OSBPL3: variants seen among roughly 807,000 people sequenced by gnomAD.
OSBPL3 encodes the protein oxysterol-binding protein-related protein 3.
In OSBPL3, 65 loss-of-function variants were observed where a neutral mutation model predicts 120.1. That is an observed-to-expected ratio of 0.54 (90% CI 0.44 to 0.67). The LOEUF is 0.67. Among genes scored for constraint, OSBPL3 ranks in the 30% least tolerant of loss-of-function variants. The probability of loss-of-function intolerance (pLI) is 0.00; values close to 1 mark genes in which losing one functional copy is unlikely to be tolerated. For missense variants in OSBPL3, 1,004 were observed against 1,082.1 expected (o/e 0.93, Z 1.01); for synonymous variants, 416 against 402.6 (o/e 1.03, Z -0.40).
At chr7:24,909,775 T>TTCTTTC (rs1554402699) in intron 1 of OSBPL3, among the ~76,000 whole-genome samples, 7 of 136,182 alleles carry the variant, frequency 5.1e-5, no homozygotes, top group Non-Finnish European at 1.1e-4. Flanking sequence ...ACTGTTTTTT[T>TTCTTTC]TTTCTTTCTT....
intron 2 of OSBPL3, among the ~76,000 whole-genome samples, chr7:24,876,982 C>T (rs1173351305): frequency 6.6e-6 from 1 of 152,142 alleles, no homozygotes; most frequent in Non-Finnish European, 1.5e-5. Flanking sequence ...AATTCCTGCA[C>T]AACCTTTGAG....
rs1802038238 is a variant in OSBPL3 at position 24,871,054 on chromosome 7, A to C, written c.268-209T>G. Among the ~76,000 whole-genome samples the C allele has an allele frequency of 6.6e-6, 1 of 152,214 alleles. No homozygotes were observed. The highest frequency in any genetic ancestry group is 6.5e-5 in the Admixed American group (1 of 15,284). ...AGGAAGTACTCTCCCCATTTTACAG[A>C]TGAAGAAACTGGAGTACAAAGGGGT... On this transcript the variant is annotated intron_variant, in intron 4 of 22. Coordinates refer to ENST00000313367, the MANE Select transcript of OSBPL3 (RefSeq NM_015550.4). This position sits in a 1 kb window ranked among gnomAD's most constrained non-coding sequence, Gnocchi z 4.8.
chr7:24,847,324 C>T (rs1262271922), intron 12 of OSBPL3, among the ~76,000 whole-genome samples: 1 of 152,072 alleles, frequency 6.6e-6, no homozygotes, highest in Non-Finnish European at 1.5e-5. Flanking sequence ...GCCTGAGTCA[C>T]TCCATGATAA....
chr7:24,870,373 T>G (rs1204448478), intron 5 of OSBPL3, among the ~76,000 whole-genome samples: 2 of 152,168 alleles, frequency 1.3e-5, no homozygotes, highest in Admixed American at 1.3e-4. Context: ...GCCTAAATGT[T>G]ACATATATAT....
rs2128491838 is a variant in OSBPL3, at chr7:24,947,232, A to G, written c.-150+32654T>C. Among the ~76,000 whole-genome samples, 1 of 152,340 alleles carries G rather than the reference A, an allele frequency of 6.6e-6. No homozygotes were observed. Among genetic ancestry groups the G allele is most frequent in the Non-Finnish European group, 1.5e-5 (1 of 68,018 alleles). On this transcript the variant is annotated intron_variant, in intron 1 of 22. Coordinates refer to ENST00000313367, the MANE Select transcript of OSBPL3 (RefSeq NM_015550.4). The surrounding 1 kb of genome is among the most constrained non-coding windows in gnomAD (Gnocchi z 4.4). ...ATAATTCCATAACAAAGGATTTAGA[A>G]AATAAAAGCAAAACTGAGTTCCTAT... is the stretch of plus-strand genomic sequence containing the variant.
Position 24,862,603 on chromosome 7 carries a change from G to A in OSBPL3, c.870+597C>T, listed in dbSNP as rs929534007. On this transcript the variant is annotated intron_variant, in intron 9 of 22. Transcript: ENST00000313367. The surrounding 1 kb of genome is among the most constrained non-coding windows in gnomAD (Gnocchi z 4.4). ...ACCTAACCAAAAGCTTGAGATTTAT[G>A]TTGATTCTAAAACTGTTGCAATTAA... Among the ~76,000 whole-genome samples the A allele has an allele frequency of 1.3e-5, 2 of 152,184 alleles. No individual in the cohort carries two copies. Among genetic ancestry groups the A allele is most frequent in the Non-Finnish European group, 2.9e-5 (2 of 68,030 alleles).
In OSBPL3 at chr7:24,872,160, A is replaced by C. The variant is rs1008638237; in HGVS notation, c.97-91T>G. On this transcript the variant is annotated intron_variant, in intron 2 of 22. Coordinates refer to ENST00000313367, the MANE Select transcript of OSBPL3 (RefSeq NM_015550.4). This position sits in a 1 kb window ranked among gnomAD's most constrained non-coding sequence, Gnocchi z 4.1. Reference sequence around the variant, plus strand: ...CTGCATCCTGTCAGTAAATTTATTCAAGATGGGGAGGCTGGCTGGGTTTGT... The same window carrying C: ...CTGCATCCTGTCAGTAAATTTATTCCAGATGGGGAGGCTGGCTGGGTTTGT... 2.2e-6 allele frequency: 2 copies of C among 920,178 alleles called. No homozygotes were observed. Among genetic ancestry groups the C allele is most frequent in the African/African-American group, 3.3e-5 (2 of 61,096 alleles). 57.0% of individuals were successfully genotyped at this position (920,178 alleles called of 1,614,324 possible). A position where few individuals can be genotyped will look rare whatever the true frequency, so the allele number is the denominator to read the frequency against.
Position 24,855,925 on chromosome 7 carries a change from C to T in OSBPL3, c.1028-3291G>A, listed in dbSNP as rs553831353. ...CCACCCCACAACACGACCAACTCTTCACATCTCCAGCTTCCCCGCCAAATG... is the reference window on the plus strand; with the variant it reads ...CCACCCCACAACACGACCAACTCTTTACATCTCCAGCTTCCCCGCCAAATG... On this transcript the variant is annotated intron_variant, in intron 10 of 22. Coordinates refer to ENST00000313367, the MANE Select transcript of OSBPL3 (RefSeq NM_015550.4). The surrounding 1 kb of genome is among the most constrained non-coding windows in gnomAD (Gnocchi z 4.3). 6.6e-6 allele frequency among the ~76,000 whole-genome samples: 1 copy of T among 152,334 alleles called. No homozygotes were observed. Among genetic ancestry groups the T allele is most frequent in the African/African-American group, 2.4e-5 (1 of 41,582 alleles).
intron 16 of OSBPL3, among the ~76,000 whole-genome samples, chr7:24,823,865 A>G (rs560974302): frequency 6.6e-6 from 1 of 152,198 alleles, no homozygotes; most frequent in African/African-American, 2.4e-5. Flanking sequence ...GTTGATGGCA[A>G]TCTTTCTAAA....
chr7:24,921,534 C>G (rs1038674953), intron 1 of OSBPL3, among the ~76,000 whole-genome samples: 1 of 152,170 alleles, frequency 6.6e-6, no homozygotes, highest in Admixed American at 6.5e-5. Context: ...AAGCTAAACA[C>G]GCCTTCCAAG....
At position 24,965,595 on chromosome 7, in the gene OSBPL3, C is replaced by A. The variant is rs1194481134; in HGVS notation, c.-150+14291G>T. ...TTGGATTTGCTAAGGGGTCCATGAA[C>A]CAGAGTCAGTATCTCCTAATAACTT... On this transcript the variant is annotated intron_variant, in intron 1 of 22. Transcript: ENST00000313367. This position sits in a 1 kb window ranked among gnomAD's most constrained non-coding sequence, Gnocchi z 4.3. Among the ~76,000 whole-genome samples, 1 of 152,144 alleles carries A rather than the reference C, an allele frequency of 6.6e-6. No individual in the cohort carries two copies. The highest frequency in any genetic ancestry group is 1.5e-5 in the Non-Finnish European group (1 of 68,022).
At chr7:24,893,212 G>A (rs1584528665) in intron 1 of OSBPL3, among the ~76,000 whole-genome samples, 1 of 152,174 alleles carries the variant, frequency 6.6e-6, no homozygotes, top group South Asian at 2.1e-4. Context: ...AGTCAAAGGT[G>A]GAAAGAACCC....
chr7:24,915,809 T>G (rs147082498), intron 1 of OSBPL3, among the ~76,000 whole-genome samples: 25 of 152,198 alleles, frequency 1.6e-4, no homozygotes, highest in Admixed American at 3.3e-4. Flanking sequence ...ACTTCTGACC[T>G]AGTGGTCCAC....
rs1057514858 is a variant in OSBPL3 at position 24,816,460 on chromosome 7, G to A, written c.2027+150C>T. On this transcript the variant is annotated intron_variant, in intron 18 of 22. Coordinates refer to ENST00000313367, the MANE Select transcript of OSBPL3 (RefSeq NM_015550.4). ...TTTTTAAAAGTGAGCTTGCCAAAAGGAGGAACATTTAAACCTACTGTCAGA... is the reference window on the plus strand; with the variant it reads ...TTTTTAAAAGTGAGCTTGCCAAAAGAAGGAACATTTAAACCTACTGTCAGA... 5 of 631,850 alleles carry A rather than the reference G, an allele frequency of 7.9e-6. No homozygotes were observed. The Admixed American group carries it at 1.1e-4, about 14-fold the overall frequency. 39.1% of individuals were successfully genotyped at this position (631,850 alleles called of 1,614,324 possible).
At chr7:24,974,221 C>G (rs1400481891) in intron 1 of OSBPL3, among the ~76,000 whole-genome samples, 1 of 152,176 alleles carries the variant, frequency 6.6e-6, no homozygotes, top group East Asian at 1.9e-4. Flanking sequence ...TTTCAACGAT[C>G]GTCAGCTCAC....
rs1815510657 is a variant in OSBPL3 at position 24,959,802 on chromosome 7, C to T, written c.-150+20084G>A. On this transcript the variant is annotated intron_variant, in intron 1 of 22. Coordinates refer to ENST00000313367, the MANE Select transcript of OSBPL3 (RefSeq NM_015550.4). The surrounding 1 kb of genome is among the most constrained non-coding windows in gnomAD (Gnocchi z 4.3). ...TAAATGCTGACATGCTTATCGGCCA[C>T]TTGTAAAACCCAGCTGACCTGGACT... 6.6e-6 allele frequency among the ~76,000 whole-genome samples: 1 copy of T among 152,192 alleles called. No homozygotes were observed. Among genetic ancestry groups the T allele is most frequent in the African/African-American group, 2.4e-5 (1 of 41,438 alleles).
At position 24,831,881 on chromosome 7, in the gene OSBPL3, C is replaced by T. The variant is rs1351393207; in HGVS notation, c.1747-976G>A. Reference sequence around the variant, plus strand: ...TCACCACCTCATGCTATAGAATTCTCTAGAGCAGCTGGATGGCTTATAAAA... The same window carrying T: ...TCACCACCTCATGCTATAGAATTCTTTAGAGCAGCTGGATGGCTTATAAAA... On this transcript the variant is annotated intron_variant, in intron 15 of 22. Coordinates refer to ENST00000313367, the MANE Select transcript of OSBPL3 (RefSeq NM_015550.4). This position sits in a 1 kb window ranked among gnomAD's most constrained non-coding sequence, Gnocchi z 4.0. 6.6e-6 allele frequency among the ~76,000 whole-genome samples: 1 copy of T among 152,196 alleles called. No homozygotes were observed. The highest frequency in any genetic ancestry group is 6.5e-5 in the Admixed American group (1 of 15,272).
chr7:24,877,529 C>T lies in OSBPL3; in HGVS notation c.97-5460G>A, dbSNP rs541115408. Among the ~76,000 whole-genome samples the T allele has an allele frequency of 5.9e-5, 9 of 152,244 alleles. 1 individual carries two copies. The highest frequency in any genetic ancestry group is 2.1e-4 in the South Asian group (1 of 4,824). Reference sequence around the variant, plus strand: ...GCCTCCCTAGCTAGAACATGGGTTCCGTGAGGACAGGGACTGTGTCTTATT... The same window carrying T: ...GCCTCCCTAGCTAGAACATGGGTTCTGTGAGGACAGGGACTGTGTCTTATT... On this transcript the variant is annotated intron_variant, in intron 2 of 22. Coordinates refer to ENST00000313367, the MANE Select transcript of OSBPL3 (RefSeq NM_015550.4). This position sits in a 1 kb window ranked among gnomAD's most constrained non-coding sequence, Gnocchi z 4.8.
intron 1 of OSBPL3, among the ~76,000 whole-genome samples, chr7:24,894,000 A>C (rs982525938): frequency 6.6e-6 from 1 of 152,160 alleles, no homozygotes; most frequent in Admixed American, 6.5e-5. Context: ...ATATATATAT[A>C]TCTCCAACCC....
Sources: gnomAD v4.1 joint callset for allele counts (sites outside exome capture counted in the v4.1 genomes callset) on GRCh38, gnomAD v4.1.1 for gene constraint, Gnocchi (gnomAD v3.1) non-coding constraint, MANE v1.5 for transcripts, NCBI Gene and HGNC (gene_info 2026-07-23, HGNC 2026-07-21) for gene names.